Variants in DIO2 observed in about 807,000 individuals in gnomAD.
DIO2 encodes type II iodothyronine deiodinase.
In DIO2, 19 loss-of-function variants were observed where a neutral mutation model predicts 21.4. That is an observed-to-expected ratio of 0.89 (90% CI 0.62 to 1.30). DIO2 has a LOEUF of 1.30. Ranked by LOEUF, DIO2 falls within the 50% of genes most tolerant of loss-of-function variation. The probability of loss-of-function intolerance (pLI) is 0.00; values close to 1 mark genes in which losing one functional copy is unlikely to be tolerated. For synonymous variants in DIO2, 122 were observed against 132.9 expected, an observed-to-expected ratio of 0.92 and a Z score of 0.57; for missense variants, 302 against 338.1, an observed-to-expected ratio of 0.89 and a Z score of 0.84.
intron 2 of DIO2, among the ~76,000 whole-genome samples, chr14:80,224,872 T>C (rs1888540958): frequency 6.6e-6 from 1 of 152,114 alleles, no homozygotes; most frequent in South Asian, 2.1e-4. Flanking sequence ...AAAGGGGAGT[T>C]TATTAAGTAT....
chr14:80,211,541 G>A (rs1477861914), upstream of DIO2: 3 of 797,280 alleles, frequency 3.8e-6, no homozygotes, highest in South Asian at 2.2e-5. Context: ...TTAAAAGGGG[G>A]GTGGTGATAA....
At chr14:80,209,197 T>C (rs1888067396) in intron 1 of DIO2, among the ~76,000 whole-genome samples, 1 of 152,316 alleles carries the variant, frequency 6.6e-6, no homozygotes, top group African/African-American at 2.4e-5. Context: ...TTCAATAAGC[T>C]GCTTAATGGG....
chr14:80,227,417 T>C (rs891306114), intron 2 of DIO2, among the ~76,000 whole-genome samples: 2 of 152,218 alleles, frequency 1.3e-5, no homozygotes, highest in Admixed American at 1.3e-4. Context: ...CCTGAACCAC[T>C]TTATGGCTAG....
chr14:80,206,515 C>A (rs1245383414), intron 1 of DIO2, among the ~76,000 whole-genome samples: 5 of 151,984 alleles, frequency 3.3e-5, no homozygotes, highest in Admixed American at 2.6e-4. Context: ...GGGTTATGCA[C>A]CCTGCTGAGA....
chr14:80,221,573 A>C (rs1385731260), intron 2 of DIO2, among the ~76,000 whole-genome samples: 1 of 152,196 alleles, frequency 6.6e-6, no homozygotes, highest in Non-Finnish European at 1.5e-5. Flanking sequence ...TTATTCATTT[A>C]CATCTATCCC....
At position 80,202,725 on chromosome 14, in the gene DIO2, GA is replaced by G; in HGVS notation, c.785del (p.Phe262SerfsTer?). The G allele has an allele frequency of 6.2e-7, 1 of 1,613,684 alleles. No individual in the cohort carries two copies. ...QEVRHWLEKN[F>X]SKRUKKTRLA... ...ATCTAGTTTTCTTTCATCTCTTGCT[GA>G]AATTCTTCTCCAGCCAATGCCGGAC... On this transcript the variant is annotated frameshift_variant, in exon 2 of 2. Transcript: ENST00000438257. LOFTEE classifies it high-confidence loss of function.
At chr14:80,206,219 A>G (rs898537307) in intron 1 of DIO2, 1 of 1,467,862 alleles carries the variant, frequency 6.8e-7, no homozygotes, top group Non-Finnish European at 9.2e-7. Context: ...AGAAGGAAAA[A>G]CACACACCCA....
chr14:80,205,442 G>T (rs1887909461), intron 1 of DIO2, among the ~76,000 whole-genome samples: 1 of 152,110 alleles, frequency 6.6e-6, no homozygotes, highest in Non-Finnish European at 1.5e-5. Context: ...TCTGCATTTT[G>T]GAATCATTTT....
At chr14:80,214,964 T>A (rs556017415), upstream of DIO2, among the ~76,000 whole-genome samples, 1 of 152,304 alleles carries the variant, frequency 6.6e-6, no homozygotes, top group Admixed American at 6.5e-5. Flanking sequence ...AAACCCTTGT[T>A]GAAAGTGGTT....
intron 2 of DIO2, among the ~76,000 whole-genome samples, chr14:80,229,916 T>C (rs1888651411): frequency 6.6e-6 from 1 of 152,118 alleles, no homozygotes; most frequent in Admixed American, 6.6e-5. Flanking sequence ...GCGCACCTCC[T>C]CATGAGTCAC....
Position 80,197,647 on chromosome 14 carries a change from T to C in DIO2, c.*5042A>G, listed in dbSNP as rs1487012504. 2.6e-5 allele frequency: 4 copies of C among 152,692 alleles called. No homozygotes were observed. Among genetic ancestry groups the C allele is most frequent in the African/African-American group, 9.6e-5 (4 of 41,468 alleles). The allele number at this position is 152,692 out of a possible 1,614,324, so 9.5% of individuals were successfully genotyped here. A position where few individuals can be genotyped will look rare whatever the true frequency, so the allele number is the denominator to read the frequency against. ...TGATAATCTCCCAAAGCAGTTCATT[T>C]TCTGCAACTGAGAAGCACATATGTG... On this transcript the variant is annotated 3_prime_UTR_variant, in exon 2 of 2. Coordinates refer to ENST00000438257, the MANE Select transcript of DIO2 (RefSeq NM_013989.5).
rs1309226267 is a variant in DIO2 at position 80,198,540 on chromosome 14, G to T, written c.*4149C>A. The T allele has an allele frequency of 6.6e-6, 1 of 152,252 alleles. No homozygotes were observed. The allele number at this position is 152,252 out of a possible 1,614,324, so 9.4% of individuals were successfully genotyped here. A position where few individuals can be genotyped will look rare whatever the true frequency, so the allele number is the denominator to read the frequency against. On this transcript the variant is annotated 3_prime_UTR_variant, in exon 2 of 2. Transcript: ENST00000438257. ...TGGTAGACCAAGCCCTCAGGGCCTT[G>T]TTCTTCCCAGTTAGCAACTTTCTAG...
chr14:80,202,755 T>C lies in DIO2; in HGVS notation c.756A>G (p.Gln252=). 2 of 1,614,020 alleles carry C rather than the reference T, an allele frequency of 1.2e-6. No homozygotes were observed. Among genetic ancestry groups the C allele is most frequent in the Non-Finnish European group, 1.7e-6 (2 of 1,179,880 alleles). ...TCTTCTCCAGCCAATGCCGGACTTC[T>C]TGAAGGTTGTAGGAGAAGGGGCCCT... ...GGKGPFSYNL[Q]EVRHWLEKNF... The change falls in exon 2 of 2, where the codon CAA becomes CAG. Residue 252 remains glutamine, a synonymous_variant. Transcript: ENST00000438257.
chr14:80,222,552 G>A (rs192841980), intron 2 of DIO2, among the ~76,000 whole-genome samples: 3 of 152,188 alleles, frequency 2.0e-5, no homozygotes, highest in Non-Finnish European at 4.4e-5. Flanking sequence ...ATATTTATTG[G>A]GAGAAATATA....
intron 2 of DIO2, chr14:80,230,939 G>A (rs1385929766): frequency 6.6e-6 from 1 of 152,460 alleles, no homozygotes; most frequent in Non-Finnish European, 1.5e-5. Context: ...CTGCAAGCTT[G>A]AGGAGCAAGG....
chr14:80,221,756 C>A (rs1888470713), intron 2 of DIO2, among the ~76,000 whole-genome samples: 1 of 152,116 alleles, frequency 6.6e-6, no homozygotes, highest in East Asian at 1.9e-4. Flanking sequence ...ATACAAAAAA[C>A]AAGCAATTTA....
rs145808483 is a variant in DIO2, at chr14:80,204,241, G to T, written c.223-953C>A. ...AAAAACAGACAAAAAAACAAAAATG[G>T]TTACTCCAGAATTCTACTTTAAGTC... On this transcript the variant is annotated intron_variant, in intron 1 of 1. Transcript: ENST00000438257. Among the ~76,000 whole-genome samples the T allele has an allele frequency of 4.8e-3, 731 of 152,030 alleles. 7 individuals are homozygous for T. The highest frequency in any genetic ancestry group is 0.029 in the Admixed American group (448 of 15,274).
chr14:80,229,960 CT>C lies in DIO2; in HGVS notation c.-277-13224del, dbSNP rs1888652862. The stretch of plus-strand genomic sequence containing the variant: ...CCTCACCTCTAGGGGCCTGCTAGGA[CT>C]TTAGTTATAGGTCTAGAAGCAAACA... On this transcript the variant is annotated intron_variant, in intron 2 of 4. Coordinates refer to the DIO2 transcript ENST00000553594. Among the ~76,000 whole-genome samples the C allele has an allele frequency of 2.6e-5, 4 of 152,196 alleles. No homozygotes were observed. The South Asian group carries it at 6.2e-4, about 24-fold the overall frequency.
At position 80,203,237 on chromosome 14, in the gene DIO2, T is replaced by C. The variant is rs225014; in HGVS notation, c.274A>G (p.Thr92Ala). 607,736 of 1,605,544 alleles carry C rather than the reference T, an allele frequency of 0.38. 117,581 individuals carry two copies. The highest frequency in any genetic ancestry group is 0.53 in the Admixed American group (31,463 of 58,976). Residue 92 changes from threonine (T) to alanine (A), a missense_variant, in exon 2 of 2, where the codon ACA (threonine) becomes GCA (alanine). Transcript: ENST00000438257. ...TTGCCACTGTTGTCACCTCCTTCTG[T>C]ACTGGAGACATGCACCACACTGGAA... ...PNSSVVHVSS[T>A]EGGDNSGNGT...
Sources: gnomAD v4.1 joint callset for allele counts (sites outside exome capture counted in the v4.1 genomes callset) on GRCh38, gnomAD v4.1.1 for gene constraint, MANE v1.5 for transcripts, NCBI Gene and HGNC (gene_info 2026-07-23, HGNC 2026-07-21) for gene names.